RORA: variants seen among roughly 807,000 people sequenced by gnomAD.
RORA encodes the protein RAR related orphan receptor A.
A neutral mutation model predicts 69.5 loss-of-function variants in RORA; 7 were observed. That is an observed-to-expected ratio of 0.10 (90% confidence interval 0.06 to 0.19). RORA has a LOEUF of 0.19. RORA is among the 10% of genes least tolerant of loss of function. The pLI, the probability that RORA is intolerant of heterozygous loss-of-function variation, is 1.00. For synonymous variants in RORA, 261 were observed against 240.8 expected (o/e 1.08, Z -0.78); for missense variants, 457 against 663.0 (o/e 0.69, Z 3.41).
intron 1 of RORA, among the ~76,000 whole-genome samples, chr15:61,074,427 C>T (rs1438762422): frequency 4.6e-5 from 7 of 152,216 alleles, no homozygotes; most frequent in Non-Finnish European, 7.3e-5. Context: ...CTCAGTGATA[C>T]AGACACAGAC....
intron 1 of RORA, among the ~76,000 whole-genome samples, chr15:61,005,835 A>C (rs1894894185): frequency 6.6e-6 from 1 of 152,140 alleles, no homozygotes; most frequent in African/African-American, 2.4e-5. Context: ...CATGAGTAGG[A>C]GTGTGCGTAT....
chr15:60,850,393 T>A (rs993822338), intron 1 of RORA, among the ~76,000 whole-genome samples: 1 of 152,126 alleles, frequency 6.6e-6, no homozygotes, highest in Admixed American at 6.5e-5. Context: ...AAGATGCTGG[T>A]GTGATGTTTA....
At chr15:60,844,402 AGTTGTT>A (rs368571468) in intron 1 of RORA, among the ~76,000 whole-genome samples, 1 of 152,126 alleles carries the variant, frequency 6.6e-6, no homozygotes, top group African/African-American at 2.4e-5. Context: ...CCAATGAAGG[AGTTGTT>A]GTTGTTGTTG....
intron 3 of RORA, among the ~76,000 whole-genome samples, chr15:60,516,256 TATATATTTATATA>T (rs2065955023): frequency 3.2e-5 from 3 of 93,138 alleles, no homozygotes; most frequent in African/African-American, 8.8e-5. Flanking sequence ...TATTTATATA[TATATATTTATATA>T]TTTTTTTTGG....
At chr15:60,546,494 C>G (rs1331498901) in intron 2 of RORA, 4 of 152,028 alleles carry the variant, frequency 2.6e-5, no homozygotes, top group Non-Finnish European at 5.9e-5. Context: ...CCAGGAGAAA[C>G]AGATAGAGAC....
chr15:60,857,340 C>T (rs1266404926), intron 1 of RORA, among the ~76,000 whole-genome samples: 3 of 151,992 alleles, frequency 2.0e-5, no homozygotes, highest in Non-Finnish European at 4.4e-5. Context: ...AGTCAAGTTC[C>T]CACGAAGAAG....
intron 2 of RORA, among the ~76,000 whole-genome samples, chr15:60,640,557 A>G (rs1596087875): frequency 6.6e-6 from 1 of 152,184 alleles, no homozygotes; most frequent in Non-Finnish European, 1.5e-5. Flanking sequence ...TCAAAGGCCC[A>G]TGTGATCAAG....
chr15:60,802,561 G>A (rs1279100378), intron 1 of RORA, among the ~76,000 whole-genome samples: 1 of 152,076 alleles, frequency 6.6e-6, no homozygotes, highest in African/African-American at 2.4e-5. Context: ...GCCTTTTAAG[G>A]CATAATGTGT....
chr15:60,977,679 T>C (rs1178293231), intron 1 of RORA, among the ~76,000 whole-genome samples: 2 of 152,206 alleles, frequency 1.3e-5, no homozygotes, highest in Admixed American at 1.3e-4. Flanking sequence ...TTTGCCTATT[T>C]TGAACATTTC....
At chr15:61,188,873 C>G (rs1159186304) in intron 1 of RORA, among the ~76,000 whole-genome samples, 1 of 152,166 alleles carries the variant, frequency 6.6e-6, no homozygotes, top group East Asian at 1.9e-4. Flanking sequence ...ATCTCCTAAC[C>G]TACGAGTGAC....
intron 1 of RORA, among the ~76,000 whole-genome samples, chr15:60,821,087 C>T (rs149582658): frequency 7.9e-5 from 12 of 152,156 alleles, no homozygotes; most frequent in African/African-American, 2.7e-4. Flanking sequence ...TACCTATTTC[C>T]AGCTGTAGGG....
chr15:60,821,709 T>C (rs1024517291), intron 1 of RORA, among the ~76,000 whole-genome samples: 1 of 152,208 alleles, frequency 6.6e-6, no homozygotes, highest in African/African-American at 2.4e-5. Flanking sequence ...ATTTACTGAG[T>C]GCTTACTATG....
chr15:60,636,558 C>A (rs548075740), intron 2 of RORA, among the ~76,000 whole-genome samples: 1 of 152,122 alleles, frequency 6.6e-6, no homozygotes, highest in Non-Finnish European at 1.5e-5. Context: ...CTAACCAGTA[C>A]AAGACATAGA....
intron 1 of RORA, among the ~76,000 whole-genome samples, chr15:61,163,032 A>G (rs2079509545): frequency 6.6e-6 from 1 of 152,246 alleles, no homozygotes; most frequent in Non-Finnish European, 1.5e-5. Context: ...GAATGAATCA[A>G]TCAATGCCAA....
chr15:60,929,967 G>A, intron 1 of RORA, among the ~76,000 whole-genome samples: 1 of 152,228 alleles, frequency 6.6e-6, no homozygotes, highest in Non-Finnish European at 1.5e-5. Flanking sequence ...AGTCTCTGGT[G>A]CATGCCTCTG....
intron 1 of RORA, among the ~76,000 whole-genome samples, chr15:60,679,892 G>A (rs1001796678): frequency 2.0e-5 from 3 of 151,556 alleles, no homozygotes; most frequent in Non-Finnish European, 4.4e-5. Context: ...CCCCGACCCC[G>A]CAACTTTTAT....
At chr15:60,772,212 C>T (rs983761879) in intron 1 of RORA, among the ~76,000 whole-genome samples, 3 of 152,030 alleles carry the variant, frequency 2.0e-5, no homozygotes, top group African/African-American at 7.3e-5. Context: ...CCCCCAGGCC[C>T]CCACCCCCCT....
intron 1 of RORA, among the ~76,000 whole-genome samples, chr15:60,691,618 A>T (rs190983309): frequency 5.6e-4 from 86 of 152,364 alleles, no homozygotes; most frequent in African/African-American, 1.8e-3. Flanking sequence ...AGAGGTTTGC[A>T]CAGCTGAAGA....
At chr15:60,852,202 A>G (rs547882966) in intron 1 of RORA, among the ~76,000 whole-genome samples, 1 of 152,220 alleles carries the variant, frequency 6.6e-6, no homozygotes, top group East Asian at 1.9e-4. Context: ...TTGAATACCA[A>G]CGATGTGTCT....
Sources: gnomAD v4.1 joint callset for allele counts (sites outside exome capture counted in the v4.1 genomes callset) on GRCh38, gnomAD v4.1.1 for gene constraint, MANE v1.5 for transcripts, NCBI Gene and HGNC (gene_info 2026-07-23, HGNC 2026-07-21) for gene names.